EEPD1: variants seen among roughly 807,000 people sequenced by gnomAD.
EEPD1 encodes the protein endonuclease/exonuclease/phosphatase family domain containing 1, also known as endonuclease/exonuclease/phosphatase family domain-containing protein 1.
In EEPD1, 17 loss-of-function variants were observed where a neutral mutation model predicts 46.3. The observed-to-expected ratio is 0.37, with a 90% CI of 0.25 to 0.55. The LOEUF (loss-of-function observed/expected upper bound fraction) is 0.55. EEPD1 is among the 20% of genes least tolerant of loss of function. The probability of loss-of-function intolerance (pLI) is 0.83; values close to 1 mark genes in which losing one functional copy is unlikely to be tolerated. For synonymous variants in EEPD1, 313 were observed against 315.6 expected, an observed-to-expected ratio of 0.99 and a Z score of 0.09; for missense variants, 673 against 745.6, an observed-to-expected ratio of 0.90 and a Z score of 1.13.
At chr7:36,253,892 C>T (rs1041589705) in intron 3 of EEPD1, among the ~76,000 whole-genome samples, 7 of 151,994 alleles carry the variant, frequency 4.6e-5, no homozygotes, top group African/African-American at 1.7e-4. Context: ...TAGTCTCTAC[C>T]TTTTTATTGG....
At chr7:36,202,338 A>G (rs1442115514) in intron 2 of EEPD1, among the ~76,000 whole-genome samples, 3 of 152,066 alleles carry the variant, frequency 2.0e-5, no homozygotes, top group Non-Finnish European at 4.4e-5. Flanking sequence ...GGACCTCTGT[A>G]TGGGGTTTCC....
At chr7:36,238,887 A>C in intron 2 of EEPD1, 98 bp from the exon 3 acceptor site, 1 of 1,175,758 alleles carries the variant, frequency 8.5e-7, no homozygotes, top group African/African-American at 1.6e-5. Context: ...GAAATGCAGG[A>C]TGAAATTTCA....
chr7:36,217,289 T>G (rs1302276334), intron 2 of EEPD1, among the ~76,000 whole-genome samples: 2 of 152,252 alleles, frequency 1.3e-5, no homozygotes, highest in South Asian at 4.1e-4. Flanking sequence ...GTACCTCCCC[T>G]TTTTAGACCA....
chr7:36,189,104 A>T (rs2024443), intron 2 of EEPD1, among the ~76,000 whole-genome samples: 122,416 of 152,080 alleles, frequency 0.8, 51,396 homozygotes, highest in Non-Finnish European at 0.92. Context: ...CAGGGCTCCC[A>T]CAGTTGGTGT....
At chr7:36,177,745 ACT>A (rs1785206945) in intron 2 of EEPD1, among the ~76,000 whole-genome samples, 1 of 151,604 alleles carries the variant, frequency 6.6e-6, no homozygotes, top group Non-Finnish European at 1.5e-5. Flanking sequence ...ACAGAATCTC[ACT>A]CTGTCACCCA....
chr7:36,182,338 A>T (rs997889015), intron 2 of EEPD1, among the ~76,000 whole-genome samples: 2 of 152,192 alleles, frequency 1.3e-5, no homozygotes, highest in African/African-American at 2.4e-5. Context: ...TAATTGAGAG[A>T]TCCTGCGTAG....
chr7:36,218,875 A>G lies in EEPD1; in HGVS notation c.879-20110A>G, dbSNP rs879488417. Among the ~76,000 whole-genome samples the G allele has an allele frequency of 9.2e-5, 14 of 152,280 alleles. 1 individual carries two copies. The highest frequency in any genetic ancestry group is 5.2e-4 in the Admixed American group (8 of 15,292). The stretch of plus-strand genomic sequence containing the variant: ...GTGGAAGAGAAGTAGGCTGGTGGGA[A>G]GGAGAATGGCGATTTTGTCCAGATG... On this transcript the variant is annotated intron_variant, in intron 2 of 7. Transcript: ENST00000242108.
At chr7:36,271,103 C>G (rs1351855018) in intron 3 of EEPD1, among the ~76,000 whole-genome samples, 1 of 152,158 alleles carries the variant, frequency 6.6e-6, no homozygotes, top group Non-Finnish European at 1.5e-5. Context: ...TCCCCTGCCT[C>G]AGCCTCCCGA....
intron 2 of EEPD1, among the ~76,000 whole-genome samples, chr7:36,219,016 TG>T (rs1786084970): frequency 6.6e-6 from 1 of 152,170 alleles, no homozygotes; most frequent in Non-Finnish European, 1.5e-5. Flanking sequence ...GGTTGGTATC[TG>T]GAAGTCTGTA....
chr7:36,266,275 T>A (rs1787016721), intron 3 of EEPD1, among the ~76,000 whole-genome samples: 1 of 152,224 alleles, frequency 6.6e-6, no homozygotes, highest in Admixed American at 6.5e-5. Flanking sequence ...AAAACTGTCT[T>A]TTTTTGCACT....
chr7:36,278,657 G>A (rs1034601081), intron 3 of EEPD1, among the ~76,000 whole-genome samples: 167 of 152,232 alleles, frequency 1.1e-3, no homozygotes, highest in African/African-American at 3.7e-3. Flanking sequence ...ATTCTTGGAT[G>A]CAGCACTAAT....
At chr7:36,246,720 C>T (rs1486984185) in intron 3 of EEPD1, among the ~76,000 whole-genome samples, 1 of 152,086 alleles carries the variant, frequency 6.6e-6, no homozygotes, top group Non-Finnish European at 1.5e-5. Flanking sequence ...AGCTTTGGAG[C>T]CCAACTCCTA....
At chr7:36,196,470 T>C (rs1229048745) in intron 2 of EEPD1, among the ~76,000 whole-genome samples, 1 of 152,174 alleles carries the variant, frequency 6.6e-6, no homozygotes, top group Non-Finnish European at 1.5e-5. Context: ...GGGCCAAAGC[T>C]GGACTGTACT....
intron 4 of EEPD1, among the ~76,000 whole-genome samples, chr7:36,283,627 C>G (rs544180222): frequency 4.6e-5 from 7 of 152,288 alleles, no homozygotes; most frequent in African/African-American, 1.7e-4. Context: ...TCTTCTCGTT[C>G]TCAAACCAGC....
chr7:36,295,677 G>A (rs1787511240), intron 6 of EEPD1, among the ~76,000 whole-genome samples: 1 of 152,198 alleles, frequency 6.6e-6, no homozygotes, highest in Non-Finnish European at 1.5e-5. Context: ...CAGGCTGGCA[G>A]TATTTATCCA....
intron 6 of EEPD1, among the ~76,000 whole-genome samples, chr7:36,289,652 G>A (rs1424800881): frequency 1.3e-5 from 2 of 152,166 alleles, no homozygotes; most frequent in South Asian, 2.1e-4. Flanking sequence ...CCGCCACCGC[G>A]CCTGGCTAAT....
chr7:36,202,678 C>G (rs1214120527), intron 2 of EEPD1, among the ~76,000 whole-genome samples: 1 of 152,110 alleles, frequency 6.6e-6, no homozygotes, highest in Non-Finnish European at 1.5e-5. Context: ...ACTCGGTGTC[C>G]GTGAGAACCA....
At chr7:36,236,608 G>A (rs1786448215) in intron 2 of EEPD1, among the ~76,000 whole-genome samples, 1 of 152,216 alleles carries the variant, frequency 6.6e-6, no homozygotes, top group South Asian at 2.1e-4. Flanking sequence ...GCTTCTGAGA[G>A]GTGGGGACTT....
Position 36,284,635 on chromosome 7 carries a change from A to G in EEPD1, c.1042-51A>G, listed in dbSNP as rs2115877267. On this transcript the variant is annotated intron_variant, in intron 4 of 7. Transcript: ENST00000242108. ...TCTGGCCTCTCTGCCTCCTTTCCCC[A>G]GGTGGCGCTAGGGCTCTGGCACCAA... 3.8e-6 allele frequency: 6 copies of G among 1,577,860 alleles called. No homozygotes were observed. In the East Asian group the frequency reaches 9.4e-5, roughly 25 times the overall value.
Sources: allele counts gnomAD v4.1 joint callset (sites outside exome capture counted in the v4.1 genomes callset), GRCh38; gene constraint gnomAD v4.1.1; transcripts MANE v1.5; gene names NCBI Gene and HGNC (gene_info 2026-07-23, HGNC 2026-07-21).